Variants in NDST4 observed in about 807,000 individuals in gnomAD.
NDST4 encodes the protein N-deacetylase and N-sulfotransferase 4.
In NDST4, 63 loss-of-function variants were observed where a neutral mutation model predicts 100.8. The ratio of observed to expected loss-of-function variants is 0.62; its 90% confidence interval spans 0.51 to 0.77. The LOEUF is 0.77. Among genes scored for constraint, NDST4 ranks in the 30% least tolerant of loss-of-function variants. The pLI is 0.00. For synonymous variants in NDST4, 377 were observed against 361.8 expected (o/e 1.04, Z -0.48); for missense variants, 943 against 1,018.4 (o/e 0.93, Z 1.01).
At chr4:114,929,200 C>T (rs1465820343) in intron 6 of NDST4, among the ~76,000 whole-genome samples, 1 of 151,482 alleles carries the variant, frequency 6.6e-6, no homozygotes, top group African/African-American at 2.4e-5. Flanking sequence ...CCCTGGAGAA[C>T]CCCGTCTAAG....
chr4:114,907,879 C>T (rs917044064), intron 6 of NDST4, among the ~76,000 whole-genome samples: 10 of 152,056 alleles, frequency 6.6e-5, no homozygotes, highest in East Asian at 1.9e-4. Flanking sequence ...TATTATTGGA[C>T]GTTAAAGTCT....
At chr4:114,832,689 A>G (rs1723225937) in intron 12 of NDST4, among the ~76,000 whole-genome samples, 1 of 152,040 alleles carries the variant, frequency 6.6e-6, no homozygotes, top group Non-Finnish European at 1.5e-5. Context: ...GACTGGCTTT[A>G]GTGACTATTG....
chr4:114,892,684 T>C (rs1233679391), intron 6 of NDST4, among the ~76,000 whole-genome samples: 1 of 152,072 alleles, frequency 6.6e-6, no homozygotes, highest in Admixed American at 6.6e-5. Context: ...AGGAACTGTA[T>C]CTGCTGAAAT....
chr4:114,952,839 T>A (rs937413986), intron 4 of NDST4, among the ~76,000 whole-genome samples: 3 of 152,058 alleles, frequency 2.0e-5, no homozygotes, highest in African/African-American at 7.2e-5. Context: ...TTTACACACC[T>A]CAATTTTCCA....
intron 6 of NDST4, among the ~76,000 whole-genome samples, chr4:114,900,902 A>C (rs1560803028): frequency 6.6e-6 from 1 of 152,002 alleles, no homozygotes; most frequent in African/African-American, 2.4e-5. Context: ...TCTTTGACCC[A>C]TGTGTTATTG....
At chr4:114,976,827 T>C (rs374570427) in intron 3 of NDST4, among the ~76,000 whole-genome samples, 1 of 152,084 alleles carries the variant, frequency 6.6e-6, no homozygotes, top group African/African-American at 2.4e-5. Context: ...ATCAACTATT[T>C]GATAATTTTA....
chr4:114,830,928 C>G (rs1169276133), intron 12 of NDST4, among the ~76,000 whole-genome samples: 1 of 152,138 alleles, frequency 6.6e-6, no homozygotes, highest in Non-Finnish European at 1.5e-5. Flanking sequence ...AGTTCTCTGC[C>G]CAACCTATTA....
rs192213826 is a variant in NDST4, at chr4:115,102,829, C to T, written c.-247+10615G>A. On this transcript the variant is annotated intron_variant, in intron 1 of 13. Transcript: ENST00000264363. The stretch of plus-strand genomic sequence containing the variant: ...GTTCAAGCGATTCTTTTGCCTCAGC[C>T]TCCTGAGTAGCTGGAATTATAGGCG... 2.9e-3 allele frequency among the ~76,000 whole-genome samples: 434 copies of T among 149,500 alleles called. 1 individual carries two copies. Among genetic ancestry groups the T allele is most frequent in the African/African-American group, 0.01 (415 of 40,752 alleles).
chr4:115,054,786 A>G (rs1182610615), intron 2 of NDST4, among the ~76,000 whole-genome samples: 3 of 152,240 alleles, frequency 2.0e-5, no homozygotes, highest in East Asian at 3.9e-4. Context: ...TATTATCCTG[A>G]AATTTTAGCT....
intron 6 of NDST4, among the ~76,000 whole-genome samples, chr4:114,876,508 A>C (rs1724257699): frequency 1.3e-5 from 2 of 152,170 alleles, no homozygotes; most frequent in South Asian, 4.1e-4. Flanking sequence ...GCTTAACATT[A>C]CTAATATGAG....
intron 4 of NDST4, among the ~76,000 whole-genome samples, chr4:114,946,989 T>C (rs959280794): frequency 2.6e-5 from 4 of 152,126 alleles, no homozygotes; most frequent in Non-Finnish European, 5.9e-5. Flanking sequence ...CGATTTTTTT[T>C]CATTGAAATA....
intron 1 of NDST4, among the ~76,000 whole-genome samples, chr4:115,079,037 TA>T (rs936355698): frequency 2.7e-5 from 4 of 149,572 alleles, no homozygotes; most frequent in East Asian, 2.0e-4. Flanking sequence ...AACACAGCAT[TA>T]AAAAAAAAAT....
chr4:115,087,107 A>C (rs1729423141), intron 1 of NDST4, among the ~76,000 whole-genome samples: 1 of 152,044 alleles, frequency 6.6e-6, no homozygotes, highest in Non-Finnish European at 1.5e-5. Context: ...GAATGCTTAG[A>C]TCTGCCCCAG....
At position 114,937,336 on chromosome 4, in the gene NDST4, G is replaced by A. The variant is rs759146312; in HGVS notation, c.1389C>T (p.Phe463=). 10 of 1,614,136 alleles carry A rather than the reference G, an allele frequency of 6.2e-6. No homozygotes were observed. The highest frequency in any genetic ancestry group is 8.5e-6 in the Non-Finnish European group (10 of 1,180,000). ...TGCTCACCATGATGCTATTGTGAATGAAGCCCTTTCTGTACCGGGCAGGTT... is the reference window on the plus strand; with the variant it reads ...TGCTCACCATGATGCTATTGTGAATAAAGCCCTTTCTGTACCGGGCAGGTT... ...HLKPARYRKG[F]IHNSIMVLPR... The change falls in exon 5 of 14, where the codon TTC becomes TTT. Residue 463 remains phenylalanine (F), a synonymous_variant. Coordinates refer to ENST00000264363, the MANE Select transcript of NDST4 (RefSeq NM_022569.3).
chr4:115,041,211 T>A (rs1338066935), intron 2 of NDST4, among the ~76,000 whole-genome samples: 1 of 152,082 alleles, frequency 6.6e-6, no homozygotes, highest in Non-Finnish European at 1.5e-5. Flanking sequence ...AACTCCCTTT[T>A]TTGAAGCAGA....
intron 6 of NDST4, among the ~76,000 whole-genome samples, chr4:114,934,616 A>G (rs1725587619): frequency 6.6e-6 from 1 of 151,852 alleles, no homozygotes; most frequent in Non-Finnish European, 1.5e-5. Flanking sequence ...TCATAGATCC[A>G]GAGAGTAGGA....
At chr4:114,829,958 A>AT (rs1399632683) in intron 12 of NDST4, 66 bp from the exon 13 acceptor site, 4 of 1,095,140 alleles carry the variant, frequency 3.7e-6, no homozygotes, top group Admixed American at 2.2e-5. Flanking sequence ...AGCCTCACCA[A>AT]TTGAATAAAG....
intron 13 of NDST4, 128 bp from the exon 14 acceptor site, chr4:114,828,063 T>A (rs2126178210): frequency 1.2e-6 from 1 of 861,358 alleles, no homozygotes; most frequent in East Asian, 3.4e-5. Flanking sequence ...ATTTCTTGTA[T>A]TTTTCCTCAA....
intron 6 of NDST4, among the ~76,000 whole-genome samples, chr4:114,901,093 C>G (rs1035520299): frequency 6.6e-6 from 1 of 151,778 alleles, no homozygotes; most frequent in African/African-American, 2.4e-5. Flanking sequence ...CTGTTCCATG[C>G]AACCTTGAGA....
Sources: gnomAD v4.1 joint callset for allele counts (sites outside exome capture counted in the v4.1 genomes callset) on GRCh38, gnomAD v4.1.1 for gene constraint, MANE v1.5 for transcripts, NCBI Gene and HGNC (gene_info 2026-07-23, HGNC 2026-07-21) for gene names.